The following GATAD2B variants were observed in gnomAD, a reference collection of about 807,000 sequenced individuals.
GATAD2B encodes transcriptional repressor p66-beta.
GATAD2B carries 8 observed loss-of-function variants against 64.3 expected under a neutral mutation model. That is an observed-to-expected ratio of 0.12 (90% CI 0.07 to 0.22). GATAD2B has a LOEUF of 0.22. Among genes scored for constraint, GATAD2B ranks in the 10% least tolerant of loss-of-function variants. The pLI, the probability that GATAD2B is intolerant of heterozygous loss-of-function variation, is 1.00. For missense variants in GATAD2B, 453 were observed against 752.0 expected (o/e 0.60, Z 4.65); for synonymous variants, 281 against 271.3 (o/e 1.04, Z -0.35).
chr1:153,852,557 T>C, intron 1 of GATAD2B: 1 of 769,988 alleles, frequency 1.3e-6, no homozygotes, highest in East Asian at 2.4e-5. Flanking sequence ...ACTCCACCCA[T>C]GAGAGCTAGA....
intron 1 of GATAD2B, among the ~76,000 whole-genome samples, chr1:153,893,543 G>C (rs913134743): frequency 6.6e-6 from 1 of 152,016 alleles, no homozygotes; most frequent in South Asian, 2.1e-4. Flanking sequence ...GCAGGAGGCA[G>C]AGGTTGCAGT....
intron 1 of GATAD2B, among the ~76,000 whole-genome samples, chr1:153,921,682 C>T (rs1678435319): frequency 6.6e-6 from 1 of 152,130 alleles, no homozygotes; most frequent in Non-Finnish European, 1.5e-5. Context: ...ACCTGATTTT[C>T]CAGGGGACAA....
chr1:153,885,008 C>T (rs1426079223), intron 1 of GATAD2B, among the ~76,000 whole-genome samples: 1 of 152,104 alleles, frequency 6.6e-6, no homozygotes, highest in Non-Finnish European at 1.5e-5. Context: ...CCTCCCGCTT[C>T]GGCCTCCCAA....
intron 1 of GATAD2B, chr1:153,898,959 T>C (rs1279367765): frequency 6.6e-6 from 1 of 152,252 alleles, no homozygotes; most frequent in Non-Finnish European, 1.5e-5. Context: ...GAACCGTACA[T>C]GCTCCTTACT....
intron 2 of GATAD2B, among the ~76,000 whole-genome samples, chr1:153,823,121 T>A (rs1674740329): frequency 6.6e-6 from 1 of 152,202 alleles, no homozygotes; most frequent in Non-Finnish European, 1.5e-5. Context: ...GAACTAGGAT[T>A]CTGGCCTCAT....
chr1:153,843,117 A>G (rs1675557184), intron 1 of GATAD2B, among the ~76,000 whole-genome samples: 1 of 150,924 alleles, frequency 6.6e-6, no homozygotes, highest in South Asian at 2.1e-4. Flanking sequence ...ATGCCAGGCT[A>G]ATTTTTGCCA....
At chr1:153,857,737 A>G (rs1557807378) in intron 1 of GATAD2B, among the ~76,000 whole-genome samples, 1 of 152,170 alleles carries the variant, frequency 6.6e-6, no homozygotes, top group Non-Finnish European at 1.5e-5. Flanking sequence ...TGTGAAGAAG[A>G]GCTCCTTTGT....
intron 1 of GATAD2B, among the ~76,000 whole-genome samples, chr1:153,916,603 A>C (rs1678275735): frequency 6.6e-6 from 1 of 152,198 alleles, no homozygotes; most frequent in Non-Finnish European, 1.5e-5. Context: ...AGAAATGATA[A>C]TATATTGAAT....
intron 1 of GATAD2B, among the ~76,000 whole-genome samples, chr1:153,911,500 C>T (rs1678106775): frequency 6.6e-6 from 1 of 152,076 alleles, no homozygotes; most frequent in Non-Finnish European, 1.5e-5. Context: ...TTTGGGAGGC[C>T]GAGGCGGGTG....
chr1:153,848,721 A>G (rs1289501554), intron 1 of GATAD2B, among the ~76,000 whole-genome samples: 1 of 152,148 alleles, frequency 6.6e-6, no homozygotes. Flanking sequence ...TGGGAGGCCG[A>G]GGCGGGTGGA....
At chr1:153,831,660 A>G (rs573838878) in intron 1 of GATAD2B, among the ~76,000 whole-genome samples, 1 of 152,260 alleles carries the variant, frequency 6.6e-6, no homozygotes, top group African/African-American at 2.4e-5. Flanking sequence ...TCACCTCCCA[A>G]TTTACCTCTG....
At chr1:153,813,623 A>G (rs751319271) in intron 7 of GATAD2B, among the ~76,000 whole-genome samples, 171 bp from the exon 8 acceptor site, 7 of 152,258 alleles carry the variant, frequency 4.6e-5, no homozygotes, top group Admixed American at 3.3e-4. Context: ...TTATAACAGT[A>G]TCACTTTAGG....
intron 1 of GATAD2B, among the ~76,000 whole-genome samples, chr1:153,899,980 C>T (rs931693743): frequency 3.9e-5 from 6 of 152,070 alleles, no homozygotes; most frequent in Non-Finnish European, 5.9e-5. Flanking sequence ...TCATAGCACA[C>T]GTATACACAA....
In GATAD2B at chr1:153,820,956, T is replaced by C. The variant is rs948670976; in HGVS notation, c.336-1221A>G. Among the ~76,000 whole-genome samples the C allele has an allele frequency of 7.3e-5, 11 of 149,886 alleles. No individual in the cohort carries two copies. In the South Asian group the frequency reaches 1.1e-3, roughly 14 times the overall value. On this transcript the variant is annotated intron_variant, in intron 2 of 10. Transcript: ENST00000368655. ...CACTTCTCAGGGTTTCTTGTCCTAG[T>C]TGCTGTTGGCACATGGAATTTTTTT...
At position 153,809,399 on chromosome 1, in the gene GATAD2B, C is replaced by T. The variant is rs1268115958; in HGVS notation, c.*778G>A. ...GCTCATAATTGAGCCCATCTTCATACCTCTTTCTTCCCGTCTTCTATGGGT... is the reference window on the plus strand; with the variant it reads ...GCTCATAATTGAGCCCATCTTCATATCTCTTTCTTCCCGTCTTCTATGGGT... On this transcript the variant is annotated 3_prime_UTR_variant, in exon 11 of 11. Transcript: ENST00000368655. The T allele has an allele frequency of 1.3e-5, 2 of 152,362 alleles. No homozygotes were observed. Among genetic ancestry groups the T allele is most frequent in the African/African-American group, 4.8e-5 (2 of 41,400 alleles). The allele number at this position is 152,362 out of a possible 1,614,324, so 9.4% of individuals were successfully genotyped here.
At chr1:153,830,986 G>A (rs1365427743) in intron 1 of GATAD2B, among the ~76,000 whole-genome samples, 2 of 152,106 alleles carry the variant, frequency 1.3e-5, no homozygotes, top group Non-Finnish European at 2.9e-5. Flanking sequence ...GCCCAGGCTG[G>A]TCTGGAACTC....
intron 1 of GATAD2B, among the ~76,000 whole-genome samples, chr1:153,903,111 G>C (rs913473157): frequency 1.3e-5 from 2 of 151,976 alleles, no homozygotes; most frequent in South Asian, 4.1e-4. Context: ...CCAGCTACTC[G>C]GGAGGCTGAG....
intron 1 of GATAD2B, among the ~76,000 whole-genome samples, chr1:153,844,420 A>G (rs1344279445): frequency 1.4e-5 from 2 of 147,026 alleles, no homozygotes; most frequent in Non-Finnish European, 3.0e-5. Context: ...CTAACAAATT[A>G]TAAAAAAAAA....
chr1:153,851,742 A>G (rs1450964882), intron 1 of GATAD2B, among the ~76,000 whole-genome samples: 1 of 152,200 alleles, frequency 6.6e-6, no homozygotes, highest in Non-Finnish European at 1.5e-5. Flanking sequence ...TGCTCAGATC[A>G]TACCAGAGCA....
Sources: gnomAD v4.1 joint callset for allele counts (sites outside exome capture counted in the v4.1 genomes callset) on GRCh38, gnomAD v4.1.1 for gene constraint, MANE v1.5 for transcripts, NCBI Gene and HGNC (gene_info 2026-07-23, HGNC 2026-07-21) for gene names.